Variants in SHTN1 observed in about 807,000 individuals in gnomAD.
SHTN1 encodes shootin 1, also known as shootin-1.
A neutral mutation model predicts 83.1 loss-of-function variants in SHTN1; 42 were observed. That is an observed-to-expected ratio of 0.51 (90% confidence interval 0.39 to 0.65). The LOEUF (loss-of-function observed/expected upper bound fraction) is 0.65, where lower values mean the gene tolerates loss of function less well. Among genes scored for constraint, SHTN1 ranks in the 30% least tolerant of loss-of-function variants. SHTN1 has a pLI of 0.00. For missense variants in SHTN1, 622 were observed against 737.8 expected (o/e 0.84, Z 1.82); for synonymous variants, 224 against 247.7 (o/e 0.90, Z 0.90).
chr10:116,934,179 T>C (rs1375020450), intron 9 of SHTN1, among the ~76,000 whole-genome samples: 3 of 152,224 alleles, frequency 2.0e-5, no homozygotes, highest in Non-Finnish European at 4.4e-5. Context: ...TAGATCCCAT[T>C]TGTCAATTTT....
chr10:117,023,564 T>A (rs929868778), intron 2 of SHTN1: 1 of 152,652 alleles, frequency 6.6e-6, no homozygotes, highest in African/African-American at 2.4e-5. Flanking sequence ...TACACCTACT[T>A]AAAGTTTTAG....
At chr10:116,983,709 TACATAC>T (rs1851128521) in intron 1 of SHTN1, among the ~76,000 whole-genome samples, 1 of 151,260 alleles carries the variant, frequency 6.6e-6, no homozygotes, top group African/African-American at 2.4e-5. Context: ...CATACATACA[TACATAC>T]ATACATACAT....
intron 2 of SHTN1, among the ~76,000 whole-genome samples, chr10:117,013,879 GTGAA>G (rs1194342460): frequency 2.0e-5 from 3 of 152,070 alleles, no homozygotes; most frequent in African/African-American, 7.2e-5. Flanking sequence ...CCCTCAATAG[GTGAA>G]TGAACAAATA....
chr10:117,051,477 C>T (rs1037619637), intron 1 of SHTN1, among the ~76,000 whole-genome samples: 6 of 152,110 alleles, frequency 3.9e-5, no homozygotes, highest in African/African-American at 7.2e-5. Flanking sequence ...AAACTGCAGA[C>T]CAATATCCCT....
chr10:117,093,177 ACTAAG>A (rs1026762840), intron 1 of SHTN1, among the ~76,000 whole-genome samples: 11 of 152,222 alleles, frequency 7.2e-5, no homozygotes, highest in Admixed American at 6.5e-4. Flanking sequence ...CACATGAGGA[ACTAAG>A]CTAAGACAAG....
intron 15 of SHTN1, among the ~76,000 whole-genome samples, 197 bp from the exon 16 acceptor site, chr10:116,902,154 C>G (rs1001055131): frequency 1.3e-5 from 2 of 152,150 alleles, no homozygotes; most frequent in Admixed American, 1.3e-4. Flanking sequence ...CTACCAGGAC[C>G]ACGCTGAGAA....
chr10:116,893,327 C>G (rs182064532), intron 16 of SHTN1, among the ~76,000 whole-genome samples: 3 of 152,134 alleles, frequency 2.0e-5, no homozygotes, highest in African/African-American at 7.2e-5. Context: ...CATGTACAGG[C>G]GCACATGGAG....
intron 1 of SHTN1, among the ~76,000 whole-genome samples, chr10:116,986,716 CTTTTTTTTTT>C (rs869306412): frequency 1.3e-5 from 1 of 75,884 alleles, no homozygotes; most frequent in African/African-American, 5.4e-5. Context: ...ACCCAGTATC[CTTTTTTTTTT>C]TTTTTTTTTT....
chr10:117,081,171 T>G (rs1370072913), intron 1 of SHTN1, among the ~76,000 whole-genome samples: 40 of 149,234 alleles, frequency 2.7e-4, no homozygotes, highest in African/African-American at 9.8e-4. Flanking sequence ...GGCTGTGGGT[T>G]TGTCATAGAT....
intron 16 of SHTN1, among the ~76,000 whole-genome samples, chr10:116,893,189 C>T (rs1847392962): frequency 6.6e-6 from 1 of 152,066 alleles, no homozygotes; most frequent in South Asian, 2.1e-4. Flanking sequence ...TCCTGACAGG[C>T]GGATCTTTCG....
intron 1 of SHTN1, among the ~76,000 whole-genome samples, chr10:117,104,241 A>G (rs1456769883): frequency 6.6e-6 from 1 of 152,034 alleles, no homozygotes; most frequent in Non-Finnish European, 1.5e-5. Context: ...TTCAAATAGT[A>G]TCTCTCTCAT....
At chr10:116,896,490 T>G (rs1390465856) in intron 16 of SHTN1, among the ~76,000 whole-genome samples, 2 of 152,180 alleles carry the variant, frequency 1.3e-5, no homozygotes, top group Non-Finnish European at 2.9e-5. Context: ...GTAAATGTGA[T>G]TGGCAGGCAT....
intron 14 of SHTN1, among the ~76,000 whole-genome samples, chr10:116,908,811 C>T (rs1329166827): frequency 1.5e-4 from 23 of 152,298 alleles, no homozygotes; most frequent in Admixed American, 1.3e-3. Flanking sequence ...TAGTAAGCTA[C>T]TCTCTCATCA....
Position 116,915,628 on chromosome 10 carries a change from T to G in SHTN1, c.1196-144A>C, listed in dbSNP as rs368498846. On this transcript the variant is annotated intron_variant, in intron 12 of 16. Coordinates refer to ENST00000355371, the MANE Select transcript of SHTN1 (RefSeq NM_001127211.3). ...TTGCAGAACACTAAAAATTTACTAG[T>G]TAACAGCTATCAGGTAGCAACACTT... 30 of 576,698 alleles carry G rather than the reference T, an allele frequency of 5.2e-5. No homozygotes were observed. In the East Asian group the frequency reaches 6.3e-4, roughly 12 times the overall value. 35.7% of individuals were successfully genotyped at this position (576,698 alleles called of 1,614,324 possible).
At chr10:116,998,412 A>G in intron 1 of SHTN1, among the ~76,000 whole-genome samples, 1 of 152,158 alleles carries the variant, frequency 6.6e-6, no homozygotes, top group East Asian at 1.9e-4. Flanking sequence ...CAGTACCACA[A>G]GATATTTTGA....
rs1044505875 is a variant in SHTN1, at chr10:116,885,321, A to G, written c.*1023T>C. The stretch of plus-strand genomic sequence containing the variant: ...TACCACTTATTTTAAATAAACACCA[A>G]TTTTGAAACAATCAACTTTGAAAAG... On this transcript the variant is annotated 3_prime_UTR_variant, in exon 17 of 17. Transcript: ENST00000355371. The G allele has an allele frequency of 6.6e-6, 1 of 152,568 alleles. No individual in the cohort carries two copies. The highest frequency in any genetic ancestry group is 1.5e-5 in the Non-Finnish European group (1 of 68,020). The allele number at this position is 152,568 out of a possible 1,614,324, so 9.5% of individuals were successfully genotyped here.
chr10:117,101,649 G>A (rs1853596427), intron 1 of SHTN1, among the ~76,000 whole-genome samples: 1 of 152,138 alleles, frequency 6.6e-6, no homozygotes, highest in African/African-American at 2.4e-5. Context: ...GTCCAAGGGG[G>A]TAACAGAAAA....
At chr10:116,931,309 C>A (rs528379161) in intron 9 of SHTN1, among the ~76,000 whole-genome samples, 1 of 152,068 alleles carries the variant, frequency 6.6e-6, no homozygotes, top group African/African-American at 2.4e-5. Flanking sequence ...AGTGCAGTGG[C>A]GCGATCTGGG....
At chr10:116,908,159 A>T (rs1848047351) in intron 14 of SHTN1, among the ~76,000 whole-genome samples, 1 of 152,178 alleles carries the variant, frequency 6.6e-6, no homozygotes, top group Non-Finnish European at 1.5e-5. Flanking sequence ...GACTAACAAG[A>T]TTAGGAGATT....
Sources: allele counts gnomAD v4.1 joint callset (sites outside exome capture counted in the v4.1 genomes callset), GRCh38; gene constraint gnomAD v4.1.1; transcripts MANE v1.5; gene names NCBI Gene and HGNC (gene_info 2026-07-23, HGNC 2026-07-21).